The following RAB3IP variants were observed in gnomAD, a reference collection of about 807,000 sequenced individuals.
RAB3IP encodes RAB3A interacting protein, also known as rab-3A-interacting protein.
A neutral mutation model predicts 59.1 loss-of-function variants in RAB3IP; 36 were observed. The observed-to-expected ratio is 0.61, with a 90% CI of 0.47 to 0.80. The LOEUF (loss-of-function observed/expected upper bound fraction) is 0.80, where lower values mean the gene tolerates loss of function less well. RAB3IP is among the 30% of genes least tolerant of loss of function. The pLI is 0.00. For synonymous variants in RAB3IP, 207 were observed against 191.2 expected, an observed-to-expected ratio of 1.08 and a Z score of -0.68; for missense variants, 511 against 536.0, an observed-to-expected ratio of 0.95 and a Z score of 0.46.
rs1881851562 is a variant in RAB3IP, at chr12:69,822,492, T to C, written c.*7046T>C. The C allele has an allele frequency of 3.7e-5, 5 of 135,044 alleles. No individual in the cohort carries two copies. In the Admixed American group the frequency reaches 4.4e-4, roughly 12 times the overall value. 8.4% of individuals were successfully genotyped at this position (135,044 alleles called of 1,614,324 possible). A position where few individuals can be genotyped will look rare whatever the true frequency, so the allele number is the denominator to read the frequency against. On this transcript the variant is annotated 3_prime_UTR_variant, in exon 11 of 11. Transcript: ENST00000247833. ...TACATTCAGAATCTACCACTATAGG[T>C]AGTGAATACAACAGGATAGCAGAGG...
chr12:69,798,375 G>GT (rs1314638232), intron 6 of RAB3IP, among the ~76,000 whole-genome samples: 4 of 144,034 alleles, frequency 2.8e-5, no homozygotes, highest in Admixed American at 2.1e-4. Context: ...GGGGTTGTTT[G>GT]TTTTTTTCTT....
At chr12:69,813,482 TA>T (rs1385411212) in intron 10 of RAB3IP, among the ~76,000 whole-genome samples, 1 of 152,180 alleles carries the variant, frequency 6.6e-6, no homozygotes, top group Non-Finnish European at 1.5e-5. Context: ...TGTGAATTAA[TA>T]AAGCAGTCAT....
chr12:69,763,544 T>C (rs763491393), intron 3 of RAB3IP, among the ~76,000 whole-genome samples: 7 of 152,238 alleles, frequency 4.6e-5, no homozygotes, highest in East Asian at 3.8e-4. Flanking sequence ...GGAAAAGTTA[T>C]GTTTCATCTC....
chr12:69,756,710 A>T, intron 3 of RAB3IP, 47 bp downstream of exon 3: 1 of 1,497,502 alleles, frequency 6.7e-7, no homozygotes, highest in Middle Eastern at 2.4e-4. Context: ...ATTAGAAATT[A>T]GTATTTCTCC....
At chr12:69,800,140 G>C in intron 6 of RAB3IP, 69 bp from the exon 7 acceptor site, 1 of 1,290,180 alleles carries the variant, frequency 7.8e-7, no homozygotes, top group Non-Finnish European at 1.0e-6. Context: ...ATTAGTTTTG[G>C]TTTTGTAAAG....
intron 3 of RAB3IP, among the ~76,000 whole-genome samples, chr12:69,771,569 A>T (rs1873122843): frequency 6.6e-6 from 1 of 151,812 alleles, no homozygotes; most frequent in African/African-American, 2.4e-5. Flanking sequence ...CACTTAGGTT[A>T]ATTCCATGTC....
At chr12:69,760,224 AC>A (rs1285574221) in intron 3 of RAB3IP, among the ~76,000 whole-genome samples, 5 of 152,272 alleles carry the variant, frequency 3.3e-5, no homozygotes, top group African/African-American at 1.2e-4. Context: ...CCAAAAAAAT[AC>A]GAAAACCAGT....
At position 69,820,380 on chromosome 12, in the gene RAB3IP, C is replaced by T. The variant is rs1057617; in HGVS notation, c.*4934C>T. On this transcript the variant is annotated 3_prime_UTR_variant, in exon 11 of 11. Transcript: ENST00000247833. Reference sequence around the variant, plus strand: ...CTCCATGTCCACTGCTACCACTCTGCCCAAGCTATTATCATCTTTCACCTG... The same window carrying T: ...CTCCATGTCCACTGCTACCACTCTGTCCAAGCTATTATCATCTTTCACCTG... The T allele has an allele frequency of 0.63, 96,037 of 151,770 alleles. 30,941 individuals are homozygous for T. Among genetic ancestry groups the T allele is most frequent in the Non-Finnish European group, 0.69 (46,974 of 68,016 alleles). The allele number at this position is 151,770 out of a possible 1,614,324, so 9.4% of individuals were successfully genotyped here. A position where few individuals can be genotyped will look rare whatever the true frequency, so the allele number is the denominator to read the frequency against.
intron 3 of RAB3IP, among the ~76,000 whole-genome samples, chr12:69,758,044 A>G (rs1190866029): frequency 1.3e-5 from 2 of 152,216 alleles, no homozygotes; most frequent in African/African-American, 4.8e-5. Flanking sequence ...TAGTATTAAT[A>G]TTTACTTAGA....
rs542441478 is a variant in RAB3IP, at chr12:69,740,926, G to C, written c.-26+1895G>C. On this transcript the variant is annotated intron_variant, in intron 1 of 10. Transcript: ENST00000247833. Reference sequence around the variant, plus strand: ...CAGTGAACAAATTAGTGAGCTGGCTGAATGAAAAATTATTTAATGTTCAGC... The same window carrying C: ...CAGTGAACAAATTAGTGAGCTGGCTCAATGAAAAATTATTTAATGTTCAGC... 6.6e-5 allele frequency among the ~76,000 whole-genome samples: 10 copies of C among 152,296 alleles called. No homozygotes were observed. The South Asian group carries it at 2.1e-3, about 32-fold the overall frequency.
At position 69,821,372 on chromosome 12, in the gene RAB3IP, G is replaced by C. The variant is rs776785907; in HGVS notation, c.*5926G>C. The C allele has an allele frequency of 1.3e-5, 2 of 152,136 alleles. No homozygotes were observed. Among genetic ancestry groups the C allele is most frequent in the East Asian group, 1.9e-4 (1 of 5,192 alleles). The allele number at this position is 152,136 out of a possible 1,614,324, so 9.4% of individuals were successfully genotyped here. On this transcript the variant is annotated 3_prime_UTR_variant, in exon 11 of 11. Transcript: ENST00000247833. ...GTAAAGACCATAATCAGGAAAATACGCATCATATTTGTTATTCACTGAGAG... is the reference window on the plus strand; with the variant it reads ...GTAAAGACCATAATCAGGAAAATACCCATCATATTTGTTATTCACTGAGAG...
At chr12:69,741,740 C>T (rs1459736340) in intron 1 of RAB3IP, among the ~76,000 whole-genome samples, 1 of 152,194 alleles carries the variant, frequency 6.6e-6, no homozygotes, top group Non-Finnish European at 1.5e-5. Flanking sequence ...AGATGTCAGA[C>T]AGTTTGTCTT....
chr12:69,759,691 G>T (rs1184655965), intron 3 of RAB3IP, among the ~76,000 whole-genome samples: 2 of 149,894 alleles, frequency 1.3e-5, no homozygotes, highest in Non-Finnish European at 3.0e-5. Context: ...CGGCTGGCCG[G>T]GCAGGGGCTG....
intron 4 of RAB3IP, among the ~76,000 whole-genome samples, chr12:69,790,838 C>A (rs565252535): frequency 1.3e-5 from 2 of 152,198 alleles, no homozygotes; most frequent in Non-Finnish European, 2.9e-5. Flanking sequence ...CCTGCCTCAG[C>A]CTCCCAAAGT....
chr12:69,772,674 G>A (rs924056240), intron 3 of RAB3IP, among the ~76,000 whole-genome samples: 6 of 152,134 alleles, frequency 3.9e-5, no homozygotes, highest in East Asian at 3.8e-4. Flanking sequence ...GAAAGAAAAC[G>A]TACACTGTAA....
In RAB3IP at chr12:69,786,771, TG is replaced by T. The variant is rs200199816; in HGVS notation, c.606+1957del. Among the ~76,000 whole-genome samples the T allele has an allele frequency of 3.5e-3, 522 of 147,754 alleles. 2 individuals are homozygous for T. Among genetic ancestry groups the T allele is most frequent in the African/African-American group, 0.012 (496 of 40,062 alleles). On this transcript the variant is annotated intron_variant, in intron 4 of 10. Coordinates refer to ENST00000247833, the MANE Select transcript of RAB3IP (RefSeq NM_022456.5). ...AAACTTCTCCCTGTAAGTAGCAGGA[TG>T]TGAAGGGCCAGAAATGCAGCTTAGG...
At chr12:69,787,677 T>C (rs1875915032) in intron 4 of RAB3IP, among the ~76,000 whole-genome samples, 1 of 152,156 alleles carries the variant, frequency 6.6e-6, no homozygotes, top group Non-Finnish European at 1.5e-5. Flanking sequence ...CTCCAGGACA[T>C]AGAGCACATT....
chr12:69,808,881 A>G (rs1879921709), intron 8 of RAB3IP, among the ~76,000 whole-genome samples: 1 of 151,730 alleles, frequency 6.6e-6, no homozygotes, highest in Admixed American at 6.6e-5. Context: ...TTTTAATTGG[A>G]GCATTTAGCC....
At chr12:69,760,171 A>T (rs1212644708) in intron 3 of RAB3IP, among the ~76,000 whole-genome samples, 1 of 152,246 alleles carries the variant, frequency 6.6e-6, no homozygotes, top group Non-Finnish European at 1.5e-5. Flanking sequence ...CACGGTTAGG[A>T]GCTGGAGACC....
Sources: gnomAD v4.1 joint callset for allele counts (sites outside exome capture counted in the v4.1 genomes callset) on GRCh38, gnomAD v4.1.1 for gene constraint, MANE v1.5 for transcripts, NCBI Gene and HGNC (gene_info 2026-07-23, HGNC 2026-07-21) for gene names.